THAP5: variants seen among roughly 807,000 people sequenced by gnomAD.
The protein encoded by THAP5 is THAP domain containing 5.
In THAP5, 26 loss-of-function variants were observed where a neutral mutation model predicts 34.0. The observed-to-expected ratio is 0.77, with a 90% CI of 0.56 to 1.06. The LOEUF (loss-of-function observed/expected upper bound fraction) is 1.06, where lower values mean the gene tolerates loss of function less well. Ranked by LOEUF, THAP5 falls within the 50% of genes least tolerant of loss-of-function variation. The pLI is 0.00. For missense variants in THAP5, 394 were observed against 452.8 expected, an observed-to-expected ratio of 0.87 and a Z score of 1.18; for synonymous variants, 125 against 153.0, an observed-to-expected ratio of 0.82 and a Z score of 1.35.
chr7:108,560,383 T>C (rs1257960179), downstream of THAP5, among the ~76,000 whole-genome samples: 2 of 152,218 alleles, frequency 1.3e-5, no homozygotes, highest in African/African-American at 4.8e-5. Flanking sequence ...GTCTGTTCTA[T>C]ACCATGTGAC....
At position 108,565,047 on chromosome 7, in the gene THAP5, A is replaced by C. The variant is rs1198023690; in HGVS notation, c.332T>G (p.Val111Gly). 1 of 1,538,058 alleles carries C rather than the reference A, an allele frequency of 6.5e-7. No individual in the cohort carries two copies. The highest frequency in any genetic ancestry group is 2.1e-5 in the Admixed American group (1 of 48,090). Residue 111 changes from valine (V) to glycine (G), a missense_variant, in exon 3 of 3, where the codon GTA (valine) becomes GGA (glycine). Physicochemically the swap from Val to Gly is moderately radical, Grantham distance 109. Coordinates refer to ENST00000415914, the MANE Select transcript of THAP5 (RefSeq NM_001130475.3). ...QKKNLEDEKE[V>G]CPKAKSEESF... ...TTCTTCTGACTTGGCTTTTGGGCAT[A>C]CTTCTTTCTCATCTTCCAAGTTTTT...
At chr7:108,560,904 A>AT (rs1239739647), downstream of THAP5, among the ~76,000 whole-genome samples, 1 of 152,100 alleles carries the variant, frequency 6.6e-6, no homozygotes, top group African/African-American at 2.4e-5. Context: ...TGCCGAGCTA[A>AT]TTTTTAAATT....
downstream of THAP5, among the ~76,000 whole-genome samples, chr7:108,549,613 A>G (rs559089776): frequency 1.4e-3 from 218 of 152,298 alleles, no homozygotes; most frequent in African/African-American, 5.0e-3. Flanking sequence ...GTTATATTGT[A>G]TTTACATTAT....
In THAP5 at chr7:108,569,634, G is replaced by T; in HGVS notation, c.-65C>A. 1 of 1,538,690 alleles carries T rather than the reference G, an allele frequency of 6.5e-7. No individual in the cohort carries two copies. The highest frequency in any genetic ancestry group is 8.8e-7 in the Non-Finnish European group (1 of 1,141,328). On this transcript the variant is annotated 5_prime_UTR_variant, in exon 1 of 3. Coordinates refer to ENST00000415914, the MANE Select transcript of THAP5 (RefSeq NM_001130475.3). ...ATGCAGGGCGGCCCTCCTCACTGAG[G>T]ATGCGCCACAGGTCCAGGCCTCTCG...
chr7:108,545,971 A>G, the THAP5 span, among the ~76,000 whole-genome samples: 2 of 152,118 alleles, frequency 1.3e-5, no homozygotes, highest in African/African-American at 4.8e-5. Context: ...TAGAGTTGAG[A>G]TACACAGTAG....
chr7:108,553,679 A>G (rs1864367782), downstream of THAP5, among the ~76,000 whole-genome samples: 1 of 152,190 alleles, frequency 6.6e-6, no homozygotes, highest in Non-Finnish European at 1.5e-5. Context: ...GACATAGGGT[A>G]ATTTGACAGA....
the THAP5 span, among the ~76,000 whole-genome samples, chr7:108,548,915 C>G: frequency 4.0e-4 from 61 of 152,172 alleles, no homozygotes; most frequent in African/African-American, 1.4e-3. Context: ...GGAGTGAGCC[C>G]ATAGCTCTTA....
chr7:108,569,175 GT>G, intron 1 of THAP5: 1 of 1,244,016 alleles, frequency 8.0e-7, no homozygotes, highest in South Asian at 2.1e-5. Context: ...GGTGGTTAAT[GT>G]TGTTCAATGA....
At chr7:108,542,275 C>T in the THAP5 span, among the ~76,000 whole-genome samples, 44,074 of 151,922 alleles carry the variant, frequency 0.29, 6,762 homozygotes, top group Non-Finnish European at 0.34. Flanking sequence ...TCACAAATGT[C>T]TATAAGGCTA....
At chr7:108,542,800 C>T in the THAP5 span, among the ~76,000 whole-genome samples, 24 of 152,092 alleles carry the variant, frequency 1.6e-4, no homozygotes, top group African/African-American at 5.6e-4. Flanking sequence ...ACTGAAGTCA[C>T]TTAGTGGCAT....
chr7:108,565,901 T>C lies in THAP5; in HGVS notation c.202A>G (p.Ile68Val), dbSNP rs934959439. 8 of 1,549,932 alleles carry C rather than the reference T, an allele frequency of 5.2e-6. No homozygotes were observed. The highest frequency in any genetic ancestry group is 3.9e-5 in the Admixed American group (2 of 50,782). Reference sequence around the variant, plus strand: ...TTTAAATATCGAATACCCCATCTGATGTCAAGAGAGTCAGGAGTAAAATGG... The same window carrying C: ...TTTAAATATCGAATACCCCATCTGACGTCAAGAGAGTCAGGAGTAAAATGG... ...SDHFTPDSLD[I>V]RWGIRYLKQT... The change falls in exon 2 of 3, where the codon ATC becomes GTC. Residue 68 changes from isoleucine to valine, a missense_variant. Ile to Val is a conservative substitution (Grantham distance 29, BLOSUM62 3). Transcript: ENST00000415914.
chr7:108,542,740 G>A, the THAP5 span, among the ~76,000 whole-genome samples: 1 of 151,788 alleles, frequency 6.6e-6, no homozygotes, highest in Non-Finnish European at 1.5e-5. Flanking sequence ...TGGGATTACA[G>A]GCGTGAGCCA....
the THAP5 span, among the ~76,000 whole-genome samples, chr7:108,542,329 C>T: frequency 6.6e-6 from 1 of 152,108 alleles, no homozygotes; most frequent in Non-Finnish European, 1.5e-5. Context: ...AATCATGGCA[C>T]TCAGGTTATC....
rs761825183 is a variant in THAP5, at chr7:108,564,717, G to C, written c.662C>G (p.Thr221Ser). The part of the protein sequence containing the change: ...NSESIHQSLE[T>S]QEVLEVTTSH... Reference sequence around the variant, plus strand: ...GGTAGTTACTTCAAGAACTTCTTGAGTTTCCAAAGATTGATGAATACTTTC... The same window carrying C: ...GGTAGTTACTTCAAGAACTTCTTGACTTTCCAAAGATTGATGAATACTTTC... The change falls in exon 3 of 3, where the codon ACT (threonine) becomes AGT (serine). Residue 221 changes from threonine (T) to serine (S), a missense_variant. Thr to Ser is a moderately conservative substitution (Grantham distance 58). Coordinates refer to ENST00000415914, the MANE Select transcript of THAP5 (RefSeq NM_001130475.3). 7 of 1,613,668 alleles carry C rather than the reference G, an allele frequency of 4.3e-6. No individual in the cohort carries two copies. Among genetic ancestry groups the C allele is most frequent in the Non-Finnish European group, 5.9e-6 (7 of 1,179,902 alleles).
At position 108,569,639 on chromosome 7, in the gene THAP5, G is replaced by T; in HGVS notation, c.-70C>A. ...GGGCGGCCCTCCTCACTGAGGATGCGCCACAGGTCCAGGCCTCTCGAGCCC... is the reference window on the plus strand; with the variant it reads ...GGGCGGCCCTCCTCACTGAGGATGCTCCACAGGTCCAGGCCTCTCGAGCCC... On this transcript the variant is annotated 5_prime_UTR_variant, in exon 1 of 3. Coordinates refer to ENST00000415914, the MANE Select transcript of THAP5 (RefSeq NM_001130475.3). The T allele has an allele frequency of 6.5e-7, 1 of 1,531,928 alleles. No homozygotes were observed. Among genetic ancestry groups the T allele is most frequent in the Non-Finnish European group, 8.8e-7 (1 of 1,136,094 alleles). The allele number at this position is 1,531,928 out of a possible 1,614,324, so 94.9% of individuals were successfully genotyped here.
At chr7:108,547,636 G>T in the THAP5 span, among the ~76,000 whole-genome samples, 1 of 152,086 alleles carries the variant, frequency 6.6e-6, no homozygotes, top group Non-Finnish European at 1.5e-5. Flanking sequence ...GGCAGTATTC[G>T]TCTAAGATTT....
the THAP5 span, among the ~76,000 whole-genome samples, chr7:108,549,501 C>T: frequency 6.6e-6 from 1 of 152,126 alleles, no homozygotes; most frequent in Non-Finnish European, 1.5e-5. Context: ...GTTTAATTAC[C>T]TTGTCATTCT....
At chr7:108,565,726 C>T in intron 2 of THAP5, 104 bp downstream of exon 2, 1 of 867,110 alleles carries the variant, frequency 1.2e-6, no homozygotes, top group Non-Finnish European at 1.6e-6. Context: ...TTCCAAGTAT[C>T]TGTTTACCCA....
chr7:108,552,086 C>A (rs1162312850), downstream of THAP5, among the ~76,000 whole-genome samples: 2 of 152,094 alleles, frequency 1.3e-5, no homozygotes, highest in Non-Finnish European at 2.9e-5. Flanking sequence ...GCTCACCATT[C>A]AGTATATACA....
Sources: allele counts gnomAD v4.1 joint callset (sites outside exome capture counted in the v4.1 genomes callset), GRCh38; gene constraint gnomAD v4.1.1; transcripts MANE v1.5; gene names NCBI Gene and HGNC (gene_info 2026-07-23, HGNC 2026-07-21).